Variants in PITPNM3 observed in about 807,000 individuals in gnomAD.
PITPNM3 encodes PITPNM family member 3, also known as membrane-associated phosphatidylinositol transfer protein 3.
In PITPNM3, 26 loss-of-function variants were observed where a neutral mutation model predicts 102.0. That is an observed-to-expected ratio of 0.25 (90% CI 0.19 to 0.35). The LOEUF (loss-of-function observed/expected upper bound fraction) is 0.35. PITPNM3 is among the 10% of genes least tolerant of loss of function. The pLI, the probability that PITPNM3 is intolerant of heterozygous loss-of-function variation, is 1.00. For synonymous variants in PITPNM3, 578 were observed against 558.6 expected (o/e 1.03, Z -0.49); for missense variants, 1,083 against 1,346.1 (o/e 0.80, Z 3.06).
intron 1 of PITPNM3, among the ~76,000 whole-genome samples, chr17:6,538,323 T>A (rs1486126848): frequency 6.6e-6 from 1 of 152,046 alleles, no homozygotes; most frequent in Non-Finnish European, 1.5e-5. Flanking sequence ...GTCCTAACAC[T>A]GAGGCTGGTG....
intron 9 of PITPNM3, among the ~76,000 whole-genome samples, chr17:6,475,913 T>C (rs9898975): frequency 0.51 from 76,906 of 152,030 alleles, 21,281 homozygotes; most frequent in Middle Eastern, 0.64. Context: ...ATGTGCAGAG[T>C]CTTTGACCTA....
At chr17:6,473,812 A>G (rs1188545437) in intron 10 of PITPNM3, among the ~76,000 whole-genome samples, 1 of 151,916 alleles carries the variant, frequency 6.6e-6, no homozygotes, top group African/African-American at 2.4e-5. Context: ...CTCCATCTCT[A>G]CCAAAAATAC....
intron 3 of PITPNM3, 140 bp downstream of exon 3, chr17:6,525,216 C>T (rs1908755268): frequency 2.5e-6 from 2 of 788,084 alleles, no homozygotes; most frequent in Admixed American, 3.9e-5. Flanking sequence ...TGGCAAAATT[C>T]AGGGATGCTA....
intron 19 of PITPNM3, among the ~76,000 whole-genome samples, chr17:6,456,983 G>T (rs888833967): frequency 1.3e-5 from 2 of 152,086 alleles, no homozygotes; most frequent in Admixed American, 6.6e-5. Flanking sequence ...GCAGCCTGAG[G>T]GAGCTTCCTG....
In PITPNM3 at chr17:6,484,960, G is replaced by A. The variant is rs372671363; in HGVS notation, c.275-668C>T. ...CACACATCAGCACTCCCGCTTCTCC[G>A]GCCTTAGGACTTGAACTGGGATTCG... On this transcript the variant is annotated intron_variant, in intron 4 of 19. Coordinates refer to ENST00000262483, the MANE Select transcript of PITPNM3 (RefSeq NM_031220.4). Among the ~76,000 whole-genome samples, 9 of 152,068 alleles carry A rather than the reference G, an allele frequency of 5.9e-5. No individual in the cohort carries two copies. The East Asian group carries it at 9.7e-4, about 16-fold the overall frequency.
At chr17:6,514,075 A>G (rs575704192) in intron 3 of PITPNM3, among the ~76,000 whole-genome samples, 1 of 152,324 alleles carries the variant, frequency 6.6e-6, no homozygotes, top group Non-Finnish European at 1.5e-5. Flanking sequence ...ATCACACTCA[A>G]AAGAACTCCT....
At chr17:6,539,231 G>A (rs545182547) in intron 1 of PITPNM3, among the ~76,000 whole-genome samples, 36 of 152,278 alleles carry the variant, frequency 2.4e-4, no homozygotes, top group African/African-American at 8.2e-4. Context: ...AGTGTGAGCT[G>A]ACGTTCCACC....
At position 6,482,945 on chromosome 17, in the gene PITPNM3, G is replaced by A. The variant is rs1219751662; in HGVS notation, c.587+572C>T. Among the ~76,000 whole-genome samples, 5 of 151,318 alleles carry A rather than the reference G, an allele frequency of 3.3e-5. No homozygotes were observed. The South Asian group carries it at 8.3e-4, about 25-fold the overall frequency. The stretch of plus-strand genomic sequence containing the variant: ...AAACTAGCTAAACTCTCAACACTCC[G>A]TGTCTTTTTTTTTTTTTGAGACAGA... On this transcript the variant is annotated intron_variant, in intron 6 of 19. Transcript: ENST00000262483.
In PITPNM3 at chr17:6,467,073, A is replaced by C. The variant is rs564017309; in HGVS notation, c.1890+1152T>G. ...ACAAGACTCCGTCTCAAAACAAAAA[A>C]AAAAAACCAAAAAAAAAAAACAGGT... On this transcript the variant is annotated intron_variant, in intron 14 of 19. Coordinates refer to ENST00000262483, the MANE Select transcript of PITPNM3 (RefSeq NM_031220.4). Among the ~76,000 whole-genome samples the C allele has an allele frequency of 2.1e-4, 8 of 38,830 alleles. No homozygotes were observed. In the Admixed American group the frequency reaches 2.2e-3, roughly 11 times the overall value. The allele number at this position is 38,830 out of a possible 152,430, so 25.5% of individuals were successfully genotyped here.
chr17:6,493,228 TGA>T (rs1333041358), intron 4 of PITPNM3, among the ~76,000 whole-genome samples: 1 of 152,184 alleles, frequency 6.6e-6, no homozygotes, highest in Non-Finnish European at 1.5e-5. Flanking sequence ...CAGTTCAAAA[TGA>T]GAGGGAGACA....
At chr17:6,467,080 C>CAAAAAAAAAAAAAAAAAAAAAAA (rs752960279) in intron 14 of PITPNM3, among the ~76,000 whole-genome samples, 1 of 60,922 alleles carries the variant, frequency 1.6e-5, no homozygotes, top group Non-Finnish European at 5.4e-5. Context: ...AAAAAAAAAA[C>CAAAAAAAAAAAAAAAAAAAAAAA]CAAAAAAAAA....
chr17:6,462,892 C>T (rs1245818469), intron 17 of PITPNM3, among the ~76,000 whole-genome samples: 4 of 152,068 alleles, frequency 2.6e-5, no homozygotes, highest in Admixed American at 6.5e-5. Context: ...TGTGGAGCAC[C>T]ATGGGGAGCA....
chr17:6,471,327 G>T lies in PITPNM3; in HGVS notation c.1458C>A (p.Leu486=), dbSNP rs749140340. Residue 486 remains leucine (L), a synonymous_variant, in exon 12 of 20, where the codon CTC becomes CTA. Coordinates refer to ENST00000262483, the MANE Select transcript of PITPNM3 (RefSeq NM_031220.4). The part of the protein sequence containing the change: ...LADALHTHSP[L]FLEGSSRDSP... The stretch of plus-strand genomic sequence containing the variant: ...TGTCCCGGGAGCTGCCCTCCAGGAA[G>T]AGGGGGCTGTGGGTGTGTAGGGCAT... 15 of 1,606,736 alleles carry T rather than the reference G, an allele frequency of 9.3e-6. No individual in the cohort carries two copies. Among genetic ancestry groups the T allele is most frequent in the Non-Finnish European group, 1.3e-5 (15 of 1,177,902 alleles).
rs532738829 is a variant in PITPNM3, at chr17:6,470,990, C to T, written c.1624+171G>A. On this transcript the variant is annotated intron_variant, in intron 12 of 19. Transcript: ENST00000262483. The surrounding 1 kb of genome is among the most constrained non-coding windows in gnomAD (Gnocchi z 4.8). ...AGGATCTGGACCGATGCCAGGTCTC[C>T]ATCAGCAGACGCCCAGCTCTCTAAA... Among the ~76,000 whole-genome samples the T allele has an allele frequency of 1.3e-5, 2 of 152,276 alleles. No individual in the cohort carries two copies. Among genetic ancestry groups the T allele is most frequent in the South Asian group, 4.1e-4 (2 of 4,824 alleles).
intron 18 of PITPNM3, 137 bp downstream of exon 18, chr17:6,461,236 C>A: frequency 3.7e-6 from 4 of 1,075,616 alleles, no homozygotes; most frequent in South Asian, 2.7e-5. Flanking sequence ...TGCTAGAGGG[C>A]CCATCCAGAT....
intron 2 of PITPNM3, among the ~76,000 whole-genome samples, chr17:6,536,933 TG>T (rs1362682872): frequency 6.6e-6 from 1 of 152,192 alleles, no homozygotes; most frequent in Non-Finnish European, 1.5e-5. Context: ...CCAACTCCTC[TG>T]CAGCCCAGCA....
chr17:6,528,802 AACAC>A (rs35605575), intron 2 of PITPNM3, among the ~76,000 whole-genome samples: 5 of 150,508 alleles, frequency 3.3e-5, no homozygotes, highest in Non-Finnish European at 4.4e-5. Flanking sequence ...AAGCAACAAG[AACAC>A]ACACACACAC....
intron 4 of PITPNM3, among the ~76,000 whole-genome samples, chr17:6,494,825 T>C (rs1567675746): frequency 1.3e-5 from 2 of 152,240 alleles, no homozygotes; most frequent in Non-Finnish European, 2.9e-5. Flanking sequence ...TGTACAGTGC[T>C]AACCATTGCC....
In PITPNM3 at chr17:6,497,508, T is replaced by C. The variant is rs540172574; in HGVS notation, c.274+6019A>G. On this transcript the variant is annotated intron_variant, in intron 4 of 19. Transcript: ENST00000262483. The stretch of plus-strand genomic sequence containing the variant: ...GCTAGGAGAGAGGCTCAGTAGAGGA[T>C]GAAGATAAAGGGTCAGACTGGGACT... Among the ~76,000 whole-genome samples the C allele has an allele frequency of 9.9e-5, 15 of 152,186 alleles. No homozygotes were observed. In the East Asian group the frequency reaches 2.9e-3, roughly 29 times the overall value.
Sources: allele counts gnomAD v4.1 joint callset (sites outside exome capture counted in the v4.1 genomes callset), GRCh38; gene constraint gnomAD v4.1.1; non-coding constraint Gnocchi (gnomAD v3.1); transcripts MANE v1.5; gene names NCBI Gene and HGNC (gene_info 2026-07-23, HGNC 2026-07-21).